The following HS3ST3A1 variants were observed in gnomAD, a reference collection of about 807,000 sequenced individuals.
HS3ST3A1 encodes the protein heparan sulfate glucosamine 3-O-sulfotransferase 3A1.
A neutral mutation model predicts 25.7 loss-of-function variants in HS3ST3A1; 19 were observed. That is an observed-to-expected ratio of 0.74 (90% CI 0.52 to 1.08). The LOEUF (loss-of-function observed/expected upper bound fraction) is 1.08, where lower values mean the gene tolerates loss of function less well. Ranked by LOEUF, HS3ST3A1 falls within the 50% of genes least tolerant of loss-of-function variation. HS3ST3A1 has a pLI of 0.00. For missense variants in HS3ST3A1, 459 were observed against 594.3 expected (o/e 0.77, Z 2.37); for synonymous variants, 226 against 278.6 (o/e 0.81, Z 1.88).
chr17:13,586,163 C>T (rs1300708004), intron 1 of HS3ST3A1, among the ~76,000 whole-genome samples: 1 of 151,984 alleles, frequency 6.6e-6, no homozygotes, highest in African/African-American at 2.4e-5. Context: ...TTCCTTATCA[C>T]AGTTACAGTT....
chr17:13,596,165 A>G (rs936417398), intron 1 of HS3ST3A1, among the ~76,000 whole-genome samples: 65 of 152,282 alleles, frequency 4.3e-4, no homozygotes, highest in African/African-American at 1.3e-3. Context: ...ATAAGAGCGT[A>G]TTATAAATCT....
rs967034973 is a variant in HS3ST3A1, at chr17:13,495,383, C to T, written c.*814G>A. 1.4e-4 allele frequency among the ~76,000 whole-genome samples: 22 copies of T among 152,246 alleles called. No individual in the cohort carries two copies. The highest frequency in any genetic ancestry group is 5.3e-4 in the African/African-American group (22 of 41,538). On this transcript the variant is annotated 3_prime_UTR_variant, in exon 2 of 2. Transcript: ENST00000284110. ...TCCAGGTCTCAGTGGTTTTCTTGGA[C>T]ACAACTATGTAATGAGACTGGGTGC...
intron 1 of HS3ST3A1, among the ~76,000 whole-genome samples, chr17:13,561,026 T>G (rs372689080): frequency 6.6e-6 from 1 of 152,174 alleles, no homozygotes; most frequent in Non-Finnish European, 1.5e-5. Flanking sequence ...TCATTTCTGT[T>G]TGTAACACAT....
At chr17:13,506,546 G>A (rs1444519701) in intron 1 of HS3ST3A1, among the ~76,000 whole-genome samples, 1 of 152,200 alleles carries the variant, frequency 6.6e-6, no homozygotes, top group Non-Finnish European at 1.5e-5. Flanking sequence ...AAATCAATGA[G>A]ATCTGAAAGA....
chr17:13,529,982 A>C (rs556771255), intron 1 of HS3ST3A1, among the ~76,000 whole-genome samples: 5 of 146,644 alleles, frequency 3.4e-5, no homozygotes, highest in African/African-American at 1.3e-4. Context: ...AAACCACAAC[A>C]GCAATCAATC....
At chr17:13,520,660 G>T (rs145817092) in intron 1 of HS3ST3A1, among the ~76,000 whole-genome samples, 2,026 of 151,700 alleles carry the variant, frequency 0.013, 38 homozygotes, top group African/African-American at 0.047. Flanking sequence ...TGTCACCCAG[G>T]CTGGAGTGCA....
At chr17:13,598,061 C>T (rs1448034188) in intron 1 of HS3ST3A1, among the ~76,000 whole-genome samples, 1 of 152,180 alleles carries the variant, frequency 6.6e-6, no homozygotes, top group African/African-American at 2.4e-5. Flanking sequence ...TTCCATAATT[C>T]ACTGCTGGGT....
intron 1 of HS3ST3A1, among the ~76,000 whole-genome samples, chr17:13,583,215 C>G (rs898525578): frequency 6.6e-6 from 1 of 152,092 alleles, no homozygotes; most frequent in Admixed American, 6.5e-5. Context: ...TTGAAACTGC[C>G]GTTAAATCAC....
chr17:13,526,406 TG>T (rs1165556656), intron 1 of HS3ST3A1, among the ~76,000 whole-genome samples: 1 of 146,742 alleles, frequency 6.8e-6, no homozygotes, highest in Non-Finnish European at 1.5e-5. Context: ...CACTGGGAAT[TG>T]GGGGGAAGGA....
At chr17:13,527,704 T>A (rs1906477774) in intron 1 of HS3ST3A1, among the ~76,000 whole-genome samples, 1 of 152,214 alleles carries the variant, frequency 6.6e-6, no homozygotes, top group Non-Finnish European at 1.5e-5. Context: ...CTCCAATGTA[T>A]TCCCATTCTG....
At chr17:13,584,983 T>C (rs12600939) in intron 1 of HS3ST3A1, among the ~76,000 whole-genome samples, 93,864 of 151,810 alleles carry the variant, frequency 0.62, 30,856 homozygotes, top group East Asian at 0.92. Context: ...AGGTCACCAA[T>C]GACTTCTTAA....
rs1266960557 is a variant in HS3ST3A1 at position 13,496,031 on chromosome 17, G to A, written c.*166C>T. ...TTTTCTGTTGATCCACGTGTTTGGT[G>A]TTGGTTATACATTAAGATGGGGCGG... On this transcript the variant is annotated 3_prime_UTR_variant, in exon 2 of 2. Coordinates refer to ENST00000284110, the MANE Select transcript of HS3ST3A1 (RefSeq NM_006042.3). The A allele has an allele frequency of 2.5e-6, 2 of 813,662 alleles. No individual in the cohort carries two copies. The highest frequency in any genetic ancestry group is 3.5e-5 in the African/African-American group (2 of 57,200). 50.4% of individuals were successfully genotyped at this position (813,662 alleles called of 1,614,324 possible).
At chr17:13,554,933 C>T (rs1427789680) in intron 1 of HS3ST3A1, among the ~76,000 whole-genome samples, 1 of 152,134 alleles carries the variant, frequency 6.6e-6, no homozygotes. Context: ...CACCCTATGT[C>T]CTGGTGTGCC....
Position 13,533,992 on chromosome 17 carries a change from G to A in HS3ST3A1, c.600-37174C>T, listed in dbSNP as rs567229368. ...CAGAAATATCAATTTGGGTACTTTC[G>A]TTTGTCTCAATTCCATAGATCCCGA... On this transcript the variant is annotated intron_variant, in intron 1 of 1. Coordinates refer to ENST00000284110, the MANE Select transcript of HS3ST3A1 (RefSeq NM_006042.3). Among the ~76,000 whole-genome samples the A allele has an allele frequency of 2.2e-4, 34 of 152,196 alleles. No homozygotes were observed. In the South Asian group the frequency reaches 5.0e-3, roughly 22 times the overall value.
At position 13,494,438 on chromosome 17, in the gene HS3ST3A1, C is replaced by G. The variant is rs1905217030; in HGVS notation, c.*1759G>C. Among the ~76,000 whole-genome samples, 2 of 152,136 alleles carry G rather than the reference C, an allele frequency of 1.3e-5. No homozygotes were observed. Among genetic ancestry groups the G allele is most frequent in the Non-Finnish European group, 2.9e-5 (2 of 68,010 alleles). ...CATTTTAATCCTGTGTTAAGCTTCTCAAGAAATATTTACATCACCTAATGC... is the reference window on the plus strand; with the variant it reads ...CATTTTAATCCTGTGTTAAGCTTCTGAAGAAATATTTACATCACCTAATGC... On this transcript the variant is annotated 3_prime_UTR_variant, in exon 2 of 2. Transcript: ENST00000284110.
intron 1 of HS3ST3A1, among the ~76,000 whole-genome samples, chr17:13,590,616 G>A (rs974238950): frequency 7.2e-5 from 11 of 152,122 alleles, no homozygotes; most frequent in Non-Finnish European, 1.3e-4. Context: ...GGAACTAAAG[G>A]AAGTTCAGAT....
chr17:13,511,337 G>T (rs762750391), intron 1 of HS3ST3A1, among the ~76,000 whole-genome samples: 4 of 152,142 alleles, frequency 2.6e-5, no homozygotes, highest in South Asian at 2.1e-4. Context: ...ACATACAGGG[G>T]TTGTGTTGCA....
At chr17:13,497,514 G>A (rs928686739) in intron 1 of HS3ST3A1, among the ~76,000 whole-genome samples, 1 of 152,108 alleles carries the variant, frequency 6.6e-6, no homozygotes, top group African/African-American at 2.4e-5. Flanking sequence ...ACATGTCCTT[G>A]ATGATTCTGG....
Position 13,545,432 on chromosome 17 carries a change from G to A in HS3ST3A1, c.600-48614C>T, listed in dbSNP as rs150794020. Among the ~76,000 whole-genome samples, 580 of 152,272 alleles carry A rather than the reference G, an allele frequency of 3.8e-3. 1 individual carries two copies. The highest frequency in any genetic ancestry group is 0.013 in the African/African-American group (550 of 41,546). On this transcript the variant is annotated intron_variant, in intron 1 of 1. Transcript: ENST00000284110. ...CTGGCCTTTTCTCTTCGATTGGCCTGCCTTCACCATCTGAGAAATCTTTCC... is the reference window on the plus strand; with the variant it reads ...CTGGCCTTTTCTCTTCGATTGGCCTACCTTCACCATCTGAGAAATCTTTCC...
Sources: gnomAD v4.1 joint callset for allele counts (sites outside exome capture counted in the v4.1 genomes callset) on GRCh38, gnomAD v4.1.1 for gene constraint, MANE v1.5 for transcripts, NCBI Gene and HGNC (gene_info 2026-07-23, HGNC 2026-07-21) for gene names.